The following RBM33 variants were observed in gnomAD, a reference collection of about 807,000 sequenced individuals.
RBM33 encodes RNA binding motif protein 33.
Under a neutral mutation model 132.6 loss-of-function variants are expected in RBM33, and 28 were observed. The ratio of observed to expected loss-of-function variants is 0.21; its 90% CI spans 0.16 to 0.29. The LOEUF (loss-of-function observed/expected upper bound fraction) is 0.29, where lower values mean the gene tolerates loss of function less well. Among genes scored for constraint, RBM33 ranks in the 10% least tolerant of loss-of-function variants. The probability of loss-of-function intolerance (pLI) is 1.00; values close to 1 mark genes in which losing one functional copy is unlikely to be tolerated. For missense variants in RBM33, 1,291 were observed against 1,518.5 expected (o/e 0.85, Z 2.49); for synonymous variants, 634 against 593.0 (o/e 1.07, Z -1.01).
rs769451676 is a variant in RBM33, at chr7:155,766,592, G to A, written c.3312G>A (p.Gly1104=). 2.3e-5 allele frequency: 37 copies of A among 1,612,616 alleles called. No individual in the cohort carries two copies. The highest frequency in any genetic ancestry group is 3.0e-5 in the Non-Finnish European group (35 of 1,179,438). Residue 1104 remains glycine, a synonymous_variant, in exon 16 of 18, where the codon GGG becomes GGA. Coordinates refer to ENST00000401878, the MANE Select transcript of RBM33 (RefSeq NM_053043.3). The part of the protein sequence containing the change: ...KPQPCVVSVE[G]LSSSTTDAQL... ...AGCCCTGCGTGGTGTCTGTGGAGGG[G>A]CTGTCCTCGTCCACCACGGATGCCC...
At chr7:155,647,365 C>A (rs1798228839) in intron 1 of RBM33, among the ~76,000 whole-genome samples, 1 of 151,952 alleles carries the variant, frequency 6.6e-6, no homozygotes. Context: ...TAAAATAGGT[C>A]TTGGCTATCC....
At chr7:155,735,343 A>G (rs1801082437) in intron 9 of RBM33, among the ~76,000 whole-genome samples, 1 of 152,246 alleles carries the variant, frequency 6.6e-6, no homozygotes, top group Non-Finnish European at 1.5e-5. Flanking sequence ...AAGTAACAGT[A>G]TGTAACGGCG....
intron 6 of RBM33, among the ~76,000 whole-genome samples, chr7:155,702,606 A>G (rs912643173): frequency 5.3e-5 from 8 of 152,238 alleles, no homozygotes; most frequent in African/African-American, 1.7e-4. Flanking sequence ...AGAACAGTCT[A>G]CTTGAGCAGA....
Position 155,742,103 on chromosome 7 carries a change from A to G in RBM33, c.2334A>G (p.Thr778=). The part of the protein sequence containing the change: ...AQPKEEAKTE[T]EFPDEDEETR... The stretch of plus-strand genomic sequence containing the variant: ...CTAAAGAAGAGGCAAAAACAGAAAC[A>G]GAGGTAGGACACTGCTCTTATTAAC... Residue 778 remains threonine, a synonymous_variant, in exon 13 of 18, where the codon ACA becomes ACG. Transcript: ENST00000401878. 1.2e-6 allele frequency: 2 copies of G among 1,612,134 alleles called. No homozygotes were observed. Among genetic ancestry groups the G allele is most frequent in the Non-Finnish European group, 1.7e-6 (2 of 1,178,646 alleles).
Position 155,646,852 on chromosome 7 carries a change from C to T in RBM33, c.43+1933C>T, listed in dbSNP as rs532626061. On this transcript the variant is annotated intron_variant, in intron 1 of 17. Transcript: ENST00000401878. ...CAAAAATGCTACCTGTTTTACCATG[C>T]GTTCCACGTGTTCCTGGCACATAGC... is the stretch of plus-strand genomic sequence containing the variant. 2.6e-4 allele frequency among the ~76,000 whole-genome samples: 40 copies of T among 152,312 alleles called. No homozygotes were observed. In the South Asian group the frequency reaches 8.1e-3, roughly 31 times the overall value.
chr7:155,741,169 C>T (rs1801319664), intron 12 of RBM33, among the ~76,000 whole-genome samples: 1 of 152,128 alleles, frequency 6.6e-6, no homozygotes, highest in Non-Finnish European at 1.5e-5. Context: ...TCTCATGACC[C>T]TCGTGCACTG....
chr7:155,699,980 C>G (rs1208385170), intron 5 of RBM33, among the ~76,000 whole-genome samples: 1 of 152,074 alleles, frequency 6.6e-6, no homozygotes, highest in Non-Finnish European at 1.5e-5. Context: ...GAGTGGGTCA[C>G]AGAGACTGAT....
intron 7 of RBM33, among the ~76,000 whole-genome samples, chr7:155,708,784 C>T (rs1800191434): frequency 6.6e-6 from 1 of 152,190 alleles, no homozygotes; most frequent in Non-Finnish European, 1.5e-5. Flanking sequence ...TCCTCCGCTC[C>T]AACTGCGTTC....
At chr7:155,705,953 G>C (rs1001826340) in intron 6 of RBM33, among the ~76,000 whole-genome samples, 3 of 152,140 alleles carry the variant, frequency 2.0e-5, no homozygotes, top group Non-Finnish European at 2.9e-5. Context: ...AAAGTTTTAA[G>C]AAAATAAATA....
chr7:155,766,039 G>A (rs189532659), intron 15 of RBM33, among the ~76,000 whole-genome samples: 2 of 152,264 alleles, frequency 1.3e-5, no homozygotes, highest in African/African-American at 4.8e-5. Flanking sequence ...ACTTAGCACT[G>A]TGCACAGCAG....
chr7:155,755,393 A>G (rs966425128), intron 14 of RBM33, among the ~76,000 whole-genome samples: 4 of 152,254 alleles, frequency 2.6e-5, no homozygotes, highest in African/African-American at 9.6e-5. Flanking sequence ...AAGACATGCA[A>G]TTAATCTTTT....
Position 155,775,177 on chromosome 7 carries a change from C to A in RBM33, c.*136C>A. On this transcript the variant is annotated 3_prime_UTR_variant, in exon 18 of 18. Coordinates refer to ENST00000401878, the MANE Select transcript of RBM33 (RefSeq NM_053043.3). Reference sequence around the variant, plus strand: ...TCCTGCGTAACTGTTCTCCAGAGCGCCAGCCAGCCACGGGCCTGATTCCAG... The same window carrying A: ...TCCTGCGTAACTGTTCTCCAGAGCGACAGCCAGCCACGGGCCTGATTCCAG... 1.2e-6 allele frequency: 1 copy of A among 800,710 alleles called. No individual in the cohort carries two copies. The highest frequency in any genetic ancestry group is 2.2e-6 in the Non-Finnish European group (1 of 459,664). The allele number at this position is 800,710 out of a possible 1,614,324, so 49.6% of individuals were successfully genotyped here.
intron 1 of RBM33, among the ~76,000 whole-genome samples, chr7:155,657,507 G>A (rs907095834): frequency 3.3e-5 from 5 of 151,750 alleles, no homozygotes; most frequent in Admixed American, 2.6e-4. Flanking sequence ...CTTTTTTTTC[G>A]TTTTTTCTTA....
At chr7:155,659,042 A>C (rs762103374) in intron 1 of RBM33, among the ~76,000 whole-genome samples, 24 of 152,238 alleles carry the variant, frequency 1.6e-4, no homozygotes, top group Non-Finnish European at 3.4e-4. Flanking sequence ...CTTAAGGAAT[A>C]TAATAAATAG....
At chr7:155,663,895 A>C (rs1046646643) in intron 1 of RBM33, among the ~76,000 whole-genome samples, 1 of 152,180 alleles carries the variant, frequency 6.6e-6, no homozygotes, top group African/African-American at 2.4e-5. Context: ...TTCTTTGTTT[A>C]CTAGGAATAA....
At chr7:155,700,640 T>C (rs1799934985) in intron 5 of RBM33, 133 bp from the exon 6 acceptor site, 3 of 608,288 alleles carry the variant, frequency 4.9e-6, no homozygotes, top group African/African-American at 3.8e-5. Context: ...TCATGTGGCC[T>C]TTTAACAGGA....
At chr7:155,724,192 T>C (rs1800710322) in intron 9 of RBM33, among the ~76,000 whole-genome samples, 1 of 152,182 alleles carries the variant, frequency 6.6e-6, no homozygotes, top group Non-Finnish European at 1.5e-5. Context: ...CCTGTGGTTC[T>C]GTTTAGGTGC....
chr7:155,763,027 C>T (rs1256888276), intron 14 of RBM33, among the ~76,000 whole-genome samples: 2 of 152,182 alleles, frequency 1.3e-5, no homozygotes, highest in East Asian at 1.9e-4. Flanking sequence ...GCTGCCTGGA[C>T]GTATGAACAA....
At chr7:155,663,201 C>CT (rs1168679760) in intron 1 of RBM33, among the ~76,000 whole-genome samples, 28 of 103,754 alleles carry the variant, frequency 2.7e-4, no homozygotes, top group African/African-American at 8.6e-4. Flanking sequence ...ATTTTCTTTT[C>CT]TTTCTTTCTT....
Sources: gnomAD v4.1 joint callset for allele counts (sites outside exome capture counted in the v4.1 genomes callset) on GRCh38, gnomAD v4.1.1 for gene constraint, MANE v1.5 for transcripts, NCBI Gene and HGNC (gene_info 2026-07-23, HGNC 2026-07-21) for gene names.